TTC13: variants seen among roughly 807,000 people sequenced by gnomAD.
The protein encoded by TTC13 is tetratricopeptide repeat domain 13, also known as tetratricopeptide repeat protein 13.
In TTC13, 62 loss-of-function variants were observed where a neutral mutation model predicts 120.0. The ratio of observed to expected loss-of-function variants is 0.52; its 90% CI spans 0.42 to 0.64. The LOEUF (loss-of-function observed/expected upper bound fraction) is 0.64, where lower values mean the gene tolerates loss of function less well. Among genes scored for constraint, TTC13 ranks in the 30% least tolerant of loss-of-function variants. TTC13 has a pLI of 0.00. For missense variants in TTC13, 824 were observed against 1,050.2 expected (o/e 0.78, Z 2.98); for synonymous variants, 384 against 393.5 (o/e 0.98, Z 0.28).
rs1305301887 is a variant in TTC13, at chr1:230,978,678, C to A, written c.153G>T (p.Pro51=). 1 of 1,487,028 alleles carries A rather than the reference C, an allele frequency of 6.7e-7. No homozygotes were observed. The highest frequency in any genetic ancestry group is 8.9e-7 in the Non-Finnish European group (1 of 1,126,630). 92.1% of individuals were successfully genotyped at this position (1,487,028 alleles called of 1,614,324 possible). Residue 51 remains proline (P), a synonymous_variant, in exon 1 of 23, where the codon CCG becomes CCT. Transcript: ENST00000366661. The surrounding 1 kb of genome is among the most constrained non-coding windows in gnomAD (Gnocchi z 5.6). ...PGALATEHYS[P]LSLLKQELQH... is the part of the protein sequence containing the mutation. ...GCAGCTCCTGCTTGAGCAGGGAGAG[C>A]GGCGAGTAGTGCTCGGTGGCCAGGG...
At chr1:230,923,707 T>C in intron 15 of TTC13, 134 bp downstream of exon 15, 1 of 678,214 alleles carries the variant, frequency 1.5e-6, no homozygotes. Context: ...ACTCCACAGG[T>C]GCAGAGTCAA....
At chr1:230,948,488 T>G (rs1396759426) in intron 4 of TTC13, among the ~76,000 whole-genome samples, 2 of 148,832 alleles carry the variant, frequency 1.3e-5, no homozygotes. Context: ...ATCTCCTTCC[T>G]CTTTTTTTTT....
In TTC13 at chr1:230,944,330, T is replaced by G. The variant is rs1001385127; in HGVS notation, c.580-432A>C. On this transcript the variant is annotated intron_variant, in intron 5 of 22. Transcript: ENST00000366661. This position sits in a 1 kb window ranked among gnomAD's most constrained non-coding sequence, Gnocchi z 4.0. ...AAATCTATACCTTAAGAAGTTTAGG[T>G]ACATTCTCTTTAACATTTGCACATT... is the stretch of plus-strand genomic sequence containing the variant. Among the ~76,000 whole-genome samples the G allele has an allele frequency of 1.3e-5, 2 of 152,214 alleles. No homozygotes were observed. Among genetic ancestry groups the G allele is most frequent in the African/African-American group, 4.8e-5 (2 of 41,464 alleles).
intron 3 of TTC13, among the ~76,000 whole-genome samples, chr1:230,955,463 A>C (rs1675971350): frequency 6.6e-6 from 1 of 151,410 alleles, no homozygotes; most frequent in African/African-American, 2.4e-5. Flanking sequence ...GGAGATCGAG[A>C]CCATCCTGGC....
intron 21 of TTC13, 47 bp from the exon 22 acceptor site, chr1:230,908,838 A>G: frequency 1.2e-6 from 2 of 1,607,226 alleles, no homozygotes; most frequent in Non-Finnish European, 1.7e-6. Flanking sequence ...TGGAGGACAC[A>G]GGCTCGGCTG....
intron 19 of TTC13, 145 bp from the exon 20 acceptor site, chr1:230,911,694 G>A (rs1671525269): frequency 1.9e-6 from 1 of 535,706 alleles, no homozygotes; most frequent in Non-Finnish European, 3.2e-6. Context: ...TCAAATTCTT[G>A]AATATTCTAT....
In TTC13 at chr1:230,978,531, G is replaced by A. The variant is rs1052917314; in HGVS notation, c.271+29C>T. The stretch of plus-strand genomic sequence containing the variant: ...GCCCCGCTGCCCCGCCGCCCCGGCC[G>A]ACTCGGACGCCCGCCGCCGCCCACT... On this transcript the variant is annotated intron_variant, in intron 1 of 22. Coordinates refer to ENST00000366661, the MANE Select transcript of TTC13 (RefSeq NM_024525.5). The surrounding 1 kb of genome is among the most constrained non-coding windows in gnomAD (Gnocchi z 5.6). 6 of 780,112 alleles carry A rather than the reference G, an allele frequency of 7.7e-6. No homozygotes were observed. Among genetic ancestry groups the A allele is most frequent in the East Asian group, 7.1e-5 (2 of 28,180 alleles). The allele number at this position is 780,112 out of a possible 1,614,324, so 48.3% of individuals were successfully genotyped here. A position where few individuals can be genotyped will look rare whatever the true frequency, so the allele number is the denominator to read the frequency against.
At chr1:230,916,964 A>G (rs1259050132) in intron 17 of TTC13, among the ~76,000 whole-genome samples, 1 of 152,134 alleles carries the variant, frequency 6.6e-6, no homozygotes, top group Admixed American at 6.5e-5. Flanking sequence ...AATGACCCCC[A>G]AATTTAGTTA....
At chr1:230,943,735 AAAGT>A in intron 6 of TTC13, 67 bp downstream of exon 6, 2 of 1,289,374 alleles carry the variant, frequency 1.6e-6, no homozygotes, top group South Asian at 2.8e-5. Flanking sequence ...TACAAATAAT[AAAGT>A]AATAGGAAAA....
intron 1 of TTC13, among the ~76,000 whole-genome samples, chr1:230,972,488 T>C (rs946536409): frequency 6.6e-6 from 1 of 152,242 alleles, no homozygotes; most frequent in Non-Finnish European, 1.5e-5. Flanking sequence ...ATCTGCAAGA[T>C]AAGATGAGCC....
intron 18 of TTC13, among the ~76,000 whole-genome samples, chr1:230,913,520 T>C (rs189669324): frequency 2.0e-5 from 3 of 152,296 alleles, no homozygotes; most frequent in Non-Finnish European, 4.4e-5. Flanking sequence ...CCTGTAGTTA[T>C]TTTTAAAAAT....
intron 1 of TTC13, among the ~76,000 whole-genome samples, chr1:230,968,835 T>C (rs1677425852): frequency 6.6e-6 from 1 of 152,162 alleles, no homozygotes; most frequent in Non-Finnish European, 1.5e-5. Flanking sequence ...AACTTTGGGC[T>C]TGAGTCAAGT....
chr1:230,934,768 G>A (rs16853310), intron 8 of TTC13, among the ~76,000 whole-genome samples: 9,091 of 152,188 alleles, frequency 0.06, 310 homozygotes, highest in South Asian at 0.16. Context: ...ATCTCTAATC[G>A]CTTTAATGCA....
chr1:230,940,308 T>G lies in TTC13; in HGVS notation c.789+132A>C. The G allele has an allele frequency of 1.9e-6, 1 of 518,496 alleles. No individual in the cohort carries two copies. Among genetic ancestry groups the G allele is most frequent in the Non-Finnish European group, 3.4e-6 (1 of 296,658 alleles). 32.1% of individuals were successfully genotyped at this position (518,496 alleles called of 1,614,324 possible). On this transcript the variant is annotated intron_variant, in intron 7 of 22. Transcript: ENST00000366661. The surrounding 1 kb of genome is among the most constrained non-coding windows in gnomAD (Gnocchi z 4.1). ...TTAATTTCAGCTACAGAAAATGCTT[T>G]TATAACTCTTATGACACAGACATAT...
At chr1:230,956,321 C>T in intron 3 of TTC13, 1 of 195,742 alleles carries the variant, frequency 5.1e-6, no homozygotes, top group South Asian at 7.8e-5. Context: ...GTCAGATGAA[C>T]ATGGATAAAA....
chr1:230,973,424 A>G (rs1344877771), intron 1 of TTC13, among the ~76,000 whole-genome samples: 1 of 152,230 alleles, frequency 6.6e-6, no homozygotes, highest in South Asian at 2.1e-4. Context: ...ACAATTCTCA[A>G]ATTGGACAAA....
intron 11 of TTC13, among the ~76,000 whole-genome samples, chr1:230,929,715 C>CTGG (rs1673375204): frequency 6.6e-6 from 1 of 152,188 alleles, no homozygotes; most frequent in African/African-American, 2.4e-5. Flanking sequence ...CAGATAGAGC[C>CTGG]TGGTACTCTG....
At chr1:230,910,332 G>A (rs1386755928) in intron 20 of TTC13, among the ~76,000 whole-genome samples, 2 of 152,230 alleles carry the variant, frequency 1.3e-5, no homozygotes, top group Admixed American at 6.5e-5. Flanking sequence ...GGAAGAGAGC[G>A]GTGCTGCAGC....
In TTC13 at chr1:230,916,282, CT is replaced by C. The variant is rs1239711592; in HGVS notation, c.2003del (p.Lys668ArgfsTer6). On this transcript the variant is annotated frameshift_variant, in exon 18 of 23. Coordinates refer to ENST00000366661, the MANE Select transcript of TTC13 (RefSeq NM_024525.5). LOFTEE classifies it high-confidence loss of function. ...PIMKQFNTKT[K>X]DGFTVNTKVP... ...CTTTTGTGTTCACGGTGAACCCATC[CT>C]TCGTTTTAGTATTAAACTGCTTTCA... 6.2e-7 allele frequency: 1 copy of C among 1,614,032 alleles called. No homozygotes were observed. Among genetic ancestry groups the C allele is most frequent in the South Asian group, 1.1e-5 (1 of 91,068 alleles).
Sources: gnomAD v4.1 joint callset for allele counts (sites outside exome capture counted in the v4.1 genomes callset) on GRCh38, gnomAD v4.1.1 for gene constraint, Gnocchi (gnomAD v3.1) non-coding constraint, MANE v1.5 for transcripts, NCBI Gene and HGNC (gene_info 2026-07-23, HGNC 2026-07-21) for gene names.